DGKI: variants seen among roughly 807,000 people sequenced by gnomAD.
The protein encoded by DGKI is diacylglycerol kinase iota.
Under a neutral mutation model 147.5 loss-of-function variants are expected in DGKI, and 55 were observed. The observed-to-expected ratio is 0.37, with a 90% CI of 0.30 to 0.47. The LOEUF is 0.47. Among genes scored for constraint, DGKI ranks in the 20% least tolerant of loss-of-function variants. The pLI is 1.00. For synonymous variants in DGKI, 469 were observed against 477.1 expected (o/e 0.98, Z 0.22); for missense variants, 1,007 against 1,323.8 (o/e 0.76, Z 3.71).
chr7:137,663,694 T>A (rs977848901), intron 3 of DGKI, among the ~76,000 whole-genome samples: 27 of 152,138 alleles, frequency 1.8e-4, no homozygotes, highest in African/African-American at 5.8e-4. Context: ...CCAGAGGAGC[T>A]GTCTATGAGG....
intron 26 of DGKI, among the ~76,000 whole-genome samples, chr7:137,464,441 T>A (rs1814575260): frequency 6.6e-6 from 1 of 152,090 alleles, no homozygotes; most frequent in African/African-American, 2.4e-5. Context: ...ACACTCTACC[T>A]GCTTTCCCCA....
At chr7:137,631,921 GT>G (rs1821135426) in intron 6 of DGKI, among the ~76,000 whole-genome samples, 1 of 152,328 alleles carries the variant, frequency 6.6e-6, no homozygotes, top group Non-Finnish European at 1.5e-5. Context: ...AATAAGAAAT[GT>G]GCTGGTGAGA....
At chr7:137,487,792 T>G (rs1815620580) in intron 21 of DGKI, 103 bp from the exon 22 acceptor site, 1 of 1,061,544 alleles carries the variant, frequency 9.4e-7, no homozygotes, top group Middle Eastern at 2.1e-4. Flanking sequence ...ATAAATATTA[T>G]GGGTTTTTTA....
intron 1 of DGKI, among the ~76,000 whole-genome samples, chr7:137,834,798 G>A (rs1798317057): frequency 1.3e-5 from 2 of 152,200 alleles, no homozygotes; most frequent in South Asian, 2.1e-4. Context: ...TGCCTTTTAT[G>A]CCTTAAAAGG....
At chr7:137,830,709 G>A (rs369738663) in intron 1 of DGKI, among the ~76,000 whole-genome samples, 90 of 152,258 alleles carry the variant, frequency 5.9e-4, no homozygotes, top group African/African-American at 1.9e-3. Flanking sequence ...TCAAATATTC[G>A]AAGACCTGTT....
At chr7:137,807,829 A>C (rs1246293372) in intron 1 of DGKI, among the ~76,000 whole-genome samples, 1 of 152,128 alleles carries the variant, frequency 6.6e-6, no homozygotes. Context: ...ACTAGGACCA[A>C]CCCAGAGTCA....
intron 28 of DGKI, among the ~76,000 whole-genome samples, chr7:137,436,184 T>C (rs970897258): frequency 2.6e-5 from 4 of 152,190 alleles, no homozygotes; most frequent in African/African-American, 9.6e-5. Context: ...AGAACTCTAC[T>C]ATTTAAAAAA....
chr7:137,635,043 G>GT (rs1821262844), intron 6 of DGKI, among the ~76,000 whole-genome samples: 1 of 152,180 alleles, frequency 6.6e-6, no homozygotes, highest in African/African-American at 2.4e-5. Flanking sequence ...ACATATGAAA[G>GT]TAAGTACAAA....
intron 27 of DGKI, chr7:137,453,330 A>T (rs1320823503): frequency 6.6e-6 from 1 of 152,160 alleles, no homozygotes; most frequent in Non-Finnish European, 1.5e-5. Flanking sequence ...GACCCAAGGG[A>T]GAAAGAATGA....
intron 1 of DGKI, among the ~76,000 whole-genome samples, chr7:137,741,149 C>G (rs965708839): frequency 1.3e-5 from 2 of 152,200 alleles, no homozygotes; most frequent in Non-Finnish European, 2.9e-5. Context: ...TCCACCAAAC[C>G]AGAAACACCA....
At chr7:137,818,414 C>T (rs190650679) in intron 1 of DGKI, among the ~76,000 whole-genome samples, 1 of 152,212 alleles carries the variant, frequency 6.6e-6, no homozygotes, top group Admixed American at 6.5e-5. Flanking sequence ...GCACATATTC[C>T]CATCTCCCAC....
intron 21 of DGKI, among the ~76,000 whole-genome samples, chr7:137,502,699 T>C (rs201084416): frequency 6.6e-6 from 1 of 152,012 alleles, no homozygotes; most frequent in East Asian, 1.9e-4. Context: ...GGAAAATGAG[T>C]CTCAGATAGA....
intron 20 of DGKI, among the ~76,000 whole-genome samples, chr7:137,522,742 C>T (rs1018626680): frequency 6.6e-6 from 1 of 152,062 alleles, no homozygotes; most frequent in African/African-American, 2.4e-5. Context: ...TTTTCTTAAG[C>T]GATATTTTGA....
intron 19 of DGKI, among the ~76,000 whole-genome samples, chr7:137,557,725 T>G (rs1406894223): frequency 6.6e-6 from 1 of 152,180 alleles, no homozygotes; most frequent in Non-Finnish European, 1.5e-5. Flanking sequence ...AACCTGTCCC[T>G]GTGGCTCCAA....
In DGKI at chr7:137,416,004, A is replaced by C. The variant is rs1032243361; in HGVS notation, c.2762-3797T>G. On this transcript the variant is annotated intron_variant, in intron 28 of 32. Coordinates refer to ENST00000614521, the MANE Select transcript of DGKI (RefSeq NM_001321708.2). ...GACTCTGTCTCAAAACCAACCAACAAACAAAAAAAACAACAACAAAATAGC... is the reference window on the plus strand; with the variant it reads ...GACTCTGTCTCAAAACCAACCAACACACAAAAAAAACAACAACAAAATAGC... Among the ~76,000 whole-genome samples, 15 of 16,236 alleles carry C rather than the reference A, an allele frequency of 9.2e-4. 1 individual carries two copies. The Non-Finnish European group carries it at 0.066, about 72-fold the overall frequency. The allele number at this position is 16,236 out of a possible 152,430, so 10.7% of individuals were successfully genotyped here. A position where few individuals can be genotyped will look rare whatever the true frequency, so the allele number is the denominator to read the frequency against.
rs1563063851 is a variant in DGKI at position 137,517,291 on chromosome 7, G to GAA, written c.2248+4573_2248+4574dup. On this transcript the variant is annotated intron_variant, in intron 21 of 32. Transcript: ENST00000614521. ...AAGAAAGAAAAGAAAAAGAAAGAAA[G>GAA]AAAGAAAGAAAGAAAGAAAGAAAGA... 6.0e-4 allele frequency among the ~76,000 whole-genome samples: 55 copies of GAA among 91,534 alleles called. 1 individual carries two copies. The highest frequency in any genetic ancestry group is 2.3e-3 in the African/African-American group (50 of 21,498). 60.0% of individuals were successfully genotyped at this position (91,534 alleles called of 152,430 possible). A position where few individuals can be genotyped will look rare whatever the true frequency, so the allele number is the denominator to read the frequency against.
rs140074311 is a variant in DGKI, at chr7:137,436,951, G to T, written c.2761+7126C>A. Among the ~76,000 whole-genome samples, 585 of 152,236 alleles carry T rather than the reference G, an allele frequency of 3.8e-3. 4 individuals carry two copies. The highest frequency in any genetic ancestry group is 0.012 in the African/African-American group (503 of 41,546). ...TATTAAATAAAATTCAACATCTGTT[G>T]AATTTAACAAATTAGAGCGAAGGAA... On this transcript the variant is annotated intron_variant, in intron 28 of 32. Transcript: ENST00000614521.
chr7:137,456,125 A>AC (rs1469952484), intron 27 of DGKI, among the ~76,000 whole-genome samples: 2 of 152,118 alleles, frequency 1.3e-5, no homozygotes, highest in Admixed American at 1.3e-4. Context: ...AACAGTGCCT[A>AC]CAACTTCCTA....
chr7:137,674,134 A>T (rs2116367031), intron 3 of DGKI, among the ~76,000 whole-genome samples: 1 of 152,330 alleles, frequency 6.6e-6, no homozygotes, highest in Non-Finnish European at 1.5e-5. Flanking sequence ...GACCAGAAAA[A>T]GAAACAGTTG....
Sources: gnomAD v4.1 joint callset for allele counts (sites outside exome capture counted in the v4.1 genomes callset) on GRCh38, gnomAD v4.1.1 for gene constraint, MANE v1.5 for transcripts, NCBI Gene and HGNC (gene_info 2026-07-23, HGNC 2026-07-21) for gene names.